Variants in SLC22A15 observed in about 807,000 individuals in gnomAD.
SLC22A15 encodes the protein solute carrier family 22 member 15.
SLC22A15 carries 45 observed loss-of-function variants against 62.7 expected under a neutral mutation model. The observed-to-expected ratio is 0.72, with a 90% CI of 0.56 to 0.92. SLC22A15 has a LOEUF of 0.92. SLC22A15 is among the 40% of genes least tolerant of loss of function. SLC22A15 has a pLI of 0.00. For missense variants in SLC22A15, 622 were observed against 665.6 expected, an observed-to-expected ratio of 0.93 and a Z score of 0.72; for synonymous variants, 264 against 267.0, an observed-to-expected ratio of 0.99 and a Z score of 0.11.
At chr1:115,977,530 C>T (rs943400214) in intron 1 of SLC22A15, among the ~76,000 whole-genome samples, 1 of 152,212 alleles carries the variant, frequency 6.6e-6, no homozygotes, top group Non-Finnish European at 1.5e-5. Flanking sequence ...CTCAATATGC[C>T]AGAGGCATTT....
At chr1:116,026,131 C>T (rs957671180) in intron 4 of SLC22A15, among the ~76,000 whole-genome samples, 27 of 151,950 alleles carry the variant, frequency 1.8e-4, no homozygotes, top group African/African-American at 4.3e-4. Context: ...TAAGAAACTT[C>T]GGCTGGGCAA....
chr1:116,066,387 T>C, intron 10 of SLC22A15, 133 bp from the exon 11 acceptor site: 1 of 694,364 alleles, frequency 1.4e-6, no homozygotes, highest in Non-Finnish European at 2.4e-6. Flanking sequence ...AGAAGTGGCT[T>C]ATAGTGTTGT....
At chr1:116,058,726 T>C (rs1295383336) in intron 8 of SLC22A15, among the ~76,000 whole-genome samples, 1 of 152,170 alleles carries the variant, frequency 6.6e-6, no homozygotes, top group Non-Finnish European at 1.5e-5. Flanking sequence ...CAAATGCTTA[T>C]CAGTTAACGA....
chr1:116,040,434 T>C (rs1657746545), intron 8 of SLC22A15, among the ~76,000 whole-genome samples: 1 of 152,224 alleles, frequency 6.6e-6, no homozygotes, highest in Non-Finnish European at 1.5e-5. Context: ...CTGGATTCTC[T>C]TTATATGCAG....
intron 1 of SLC22A15, among the ~76,000 whole-genome samples, chr1:115,989,658 G>GT (rs1655053478): frequency 6.6e-6 from 1 of 152,098 alleles, no homozygotes; most frequent in South Asian, 2.1e-4. Flanking sequence ...GCAGGTACCT[G>GT]TAATCCCAGC....
At chr1:115,999,662 C>T (rs1217944447) in intron 2 of SLC22A15, among the ~76,000 whole-genome samples, 1 of 151,918 alleles carries the variant, frequency 6.6e-6, no homozygotes, top group Non-Finnish European at 1.5e-5. Context: ...TGCTACCATG[C>T]CCAGCTAATT....
chr1:116,036,932 A>G (rs1040808161), intron 7 of SLC22A15, among the ~76,000 whole-genome samples: 2 of 152,188 alleles, frequency 1.3e-5, no homozygotes, highest in Non-Finnish European at 2.9e-5. Context: ...TTTCAGTTTC[A>G]TTCTCTAAAA....
At chr1:115,985,503 A>G (rs950952767) in intron 1 of SLC22A15, among the ~76,000 whole-genome samples, 1 of 152,188 alleles carries the variant, frequency 6.6e-6, no homozygotes, top group African/African-American at 2.4e-5. Context: ...GCCTTGAAGG[A>G]AAAGACTACT....
intron 8 of SLC22A15, among the ~76,000 whole-genome samples, chr1:116,039,433 T>C (rs905886248): frequency 6.6e-6 from 1 of 152,226 alleles, no homozygotes; most frequent in Admixed American, 6.5e-5. Flanking sequence ...CTAGGGAGGC[T>C]GAGGCAGGAG....
intron 8 of SLC22A15, among the ~76,000 whole-genome samples, chr1:116,057,378 A>C (rs886282496): frequency 1.3e-5 from 2 of 151,854 alleles, no homozygotes; most frequent in Non-Finnish European, 2.9e-5. Context: ...CACCAGTTAG[A>C]ATGGTGATCA....
chr1:116,058,407 A>G (rs1176663358), intron 8 of SLC22A15, among the ~76,000 whole-genome samples: 1 of 152,242 alleles, frequency 6.6e-6, no homozygotes, highest in East Asian at 1.9e-4. Context: ...AATGAAAGCC[A>G]CAGTGCGATA....
intron 10 of SLC22A15, among the ~76,000 whole-genome samples, chr1:116,065,496 A>G (rs1011591988): frequency 6.6e-6 from 1 of 152,204 alleles, no homozygotes; most frequent in African/African-American, 2.4e-5. Flanking sequence ...CAAGGTTAGA[A>G]GAAGGGAAAG....
intron 2 of SLC22A15, among the ~76,000 whole-genome samples, chr1:116,001,534 C>A (rs769362156): frequency 1.3e-5 from 2 of 151,462 alleles, no homozygotes; most frequent in Non-Finnish European, 1.5e-5. Context: ...ATTCTTTTTT[C>A]TTTTGATTCC....
At chr1:116,040,369 G>A (rs1376930854) in intron 8 of SLC22A15, among the ~76,000 whole-genome samples, 1 of 152,164 alleles carries the variant, frequency 6.6e-6, no homozygotes, top group African/African-American at 2.4e-5. Flanking sequence ...CTTGCCTGGA[G>A]GATTCTAATT....
Position 116,020,842 on chromosome 1 carries a change from C to A in SLC22A15, c.555C>A (p.Val185=), listed in dbSNP as rs111313186. 6.2e-7 allele frequency: 1 copy of A among 1,613,498 alleles called. No homozygotes were observed. Among genetic ancestry groups the A allele is most frequent in the Non-Finnish European group, 8.5e-7 (1 of 1,179,636 alleles). ...GAGGGATGTCGCTGGTGGCCTTTGT[C>A]TTGCTTAATGAATGTGTGGGCACCG... is the stretch of plus-strand genomic sequence containing the variant. ...MNGGMSLVAF[V]LLNECVGTAY... is the part of the protein sequence containing the mutation. Residue 185 remains valine, a synonymous_variant, in exon 4 of 12, where the codon GTC becomes GTA. Coordinates refer to ENST00000369503, the MANE Select transcript of SLC22A15 (RefSeq NM_018420.3).
chr1:116,033,557 CTG>C (rs752224418), intron 6 of SLC22A15, among the ~76,000 whole-genome samples: 3,409 of 149,514 alleles, frequency 0.023, 135 homozygotes, highest in African/African-American at 0.078. Flanking sequence ...AGGGGTGTCT[CTG>C]TGTGTGTGTG....
At chr1:116,015,335 G>A (rs1207705441) in intron 2 of SLC22A15, 1 of 152,150 alleles carries the variant, frequency 6.6e-6, no homozygotes, top group African/African-American at 2.4e-5. Context: ...AGAGACACAT[G>A]AGCTCAACTA....
chr1:116,007,895 A>G (rs1015197059), intron 2 of SLC22A15, among the ~76,000 whole-genome samples: 3 of 152,200 alleles, frequency 2.0e-5, no homozygotes, highest in African/African-American at 7.2e-5. Context: ...GCATTTCAGT[A>G]TTTAGAAGAG....
chr1:116,006,423 G>C (rs1655984861), intron 2 of SLC22A15, among the ~76,000 whole-genome samples: 1 of 152,206 alleles, frequency 6.6e-6, no homozygotes, highest in Non-Finnish European at 1.5e-5. Flanking sequence ...AAGATAAAGA[G>C]TGTTAGAAAC....
Sources: gnomAD v4.1 joint callset for allele counts (sites outside exome capture counted in the v4.1 genomes callset) on GRCh38, gnomAD v4.1.1 for gene constraint, MANE v1.5 for transcripts, NCBI Gene and HGNC (gene_info 2026-07-23, HGNC 2026-07-21) for gene names.